RHPN1: variants seen among roughly 807,000 people sequenced by gnomAD.
The protein encoded by RHPN1 is rhophilin-1.
Under a neutral mutation model 74.7 loss-of-function variants are expected in RHPN1, and 77 were observed. The ratio of observed to expected loss-of-function variants is 1.03; its 90% confidence interval spans 0.86 to 1.25. The LOEUF is 1.25. Among genes scored for constraint, RHPN1 ranks in the 50% most tolerant of loss-of-function variants. The probability of loss-of-function intolerance (pLI) is 0.00; values close to 1 mark genes in which losing one functional copy is unlikely to be tolerated. For synonymous variants in RHPN1, 444 were observed against 414.5 expected (o/e 1.07, Z -0.87); for missense variants, 987 against 932.2 (o/e 1.06, Z -0.77).
intron 1 of RHPN1, among the ~76,000 whole-genome samples, chr8:143,369,976 G>A (rs1413845186): frequency 6.6e-6 from 1 of 152,184 alleles, no homozygotes; most frequent in Non-Finnish European, 1.5e-5. Context: ...CCTCAAGGAC[G>A]CCCTTCTTGC....
Position 143,379,309 on chromosome 8 carries a change from C to G in RHPN1, c.752-6C>G. On this transcript the variant is annotated splice_region_variant and splice_polypyrimidine_tract_variant and intron_variant, in intron 7 of 14. Transcript: ENST00000289013. Reference sequence around the variant, plus strand: ...CCTGCCTGTGTGAGCACCCCTCCCTCCGCAGGGGCCTTCAGCCTCCTGAGG... The same window carrying G: ...CCTGCCTGTGTGAGCACCCCTCCCTGCGCAGGGGCCTTCAGCCTCCTGAGG... The G allele has an allele frequency of 3.8e-6, 6 of 1,579,254 alleles. No individual in the cohort carries two copies. Among genetic ancestry groups the G allele is most frequent in the African/African-American group, 1.3e-5 (1 of 74,370 alleles).
chr8:143,369,021 G>T lies in RHPN1; in HGVS notation c.34G>T (p.Ala12Ser), dbSNP rs762891212. The change falls in exon 1 of 15, where the codon GCC becomes TCC. Residue 12 changes from alanine (A) to serine (S), a missense_variant. Physicochemically the swap from Ala to Ser is moderately conservative, Grantham distance 99. Coordinates refer to ENST00000289013, the MANE Select transcript of RHPN1 (RefSeq NM_052924.3). Reference sequence around the variant, plus strand: ...GGAGGAGAGGCCGGACGGCGCGGGCGCCGGCGAGGAGAGCCCGCGGCTGCA... The same window carrying T: ...GGAGGAGAGGCCGGACGGCGCGGGCTCCGGCGAGGAGAGCCCGCGGCTGCA... ...ILEERPDGAG[A>S]GEESPRLQGC... 1 of 1,495,376 alleles carries T rather than the reference G, an allele frequency of 6.7e-7. No homozygotes were observed. The highest frequency in any genetic ancestry group is 1.2e-5 in the South Asian group (1 of 80,188). 92.6% of individuals were successfully genotyped at this position (1,495,376 alleles called of 1,614,324 possible). A position where few individuals can be genotyped will look rare whatever the true frequency, so the allele number is the denominator to read the frequency against.
intron 3 of RHPN1, among the ~76,000 whole-genome samples, chr8:143,377,008 G>T (rs1818302764): frequency 6.7e-6 from 1 of 149,736 alleles, no homozygotes. Context: ...GTGGGTGTGT[G>T]TTTGCCTCTA....
At position 143,370,366 on chromosome 8, in the gene RHPN1, G is replaced by A. The variant is rs531729671; in HGVS notation, c.60+1319G>A. Among the ~76,000 whole-genome samples the A allele has an allele frequency of 2.4e-3, 367 of 152,324 alleles. 1 individual carries two copies. The highest frequency in any genetic ancestry group is 8.5e-3 in the African/African-American group (352 of 41,564). ...TGGCAGTGGGGCGGAGGCAGGCCCT[G>A]TGTCACACGCGCACCACTCAGGCTG... On this transcript the variant is annotated intron_variant, in intron 1 of 14. Coordinates refer to ENST00000289013, the MANE Select transcript of RHPN1 (RefSeq NM_052924.3).
In RHPN1 at chr8:143,375,507, C is replaced by T. The variant is rs767841103; in HGVS notation, c.61-46C>T. The T allele has an allele frequency of 1.2e-5, 17 of 1,373,372 alleles. No individual in the cohort carries two copies. The Admixed American group carries it at 2.9e-4, about 23-fold the overall frequency. 85.1% of individuals were successfully genotyped at this position (1,373,372 alleles called of 1,614,324 possible). A position where few individuals can be genotyped will look rare whatever the true frequency, so the allele number is the denominator to read the frequency against. ...GTGGCTGGCGAGGCGCAGCCTGGTG[C>T]GGGCGCCACGGGGTCGGGCTGTGAT... On this transcript the variant is annotated intron_variant, in intron 1 of 14. Coordinates refer to ENST00000289013, the MANE Select transcript of RHPN1 (RefSeq NM_052924.3).
intron 4 of RHPN1, 46 bp from the exon 5 acceptor site, chr8:143,378,223 G>GC (rs1397776720): frequency 3.4e-6 from 5 of 1,489,024 alleles, no homozygotes; most frequent in Non-Finnish European, 4.6e-6. Flanking sequence ...AGGGAAGGAG[G>GC]CCAGGCACAG....
rs1818805169 is a variant in RHPN1, at chr8:143,382,441, C to A, written c.1803C>A (p.Asp601Glu). The A allele has an allele frequency of 6.4e-7, 1 of 1,560,988 alleles. No individual in the cohort carries two copies. The highest frequency in any genetic ancestry group is 1.9e-5 in the Admixed American group (1 of 52,322). ...LPSSRLPSLG[D>E]RRPVLLGPRG... is the part of the protein sequence containing the mutation. ...TGTCTCTGTCCCTGCTGCAGGGGGA[C>A]CGCCGGCCCGTCCTGCTGGGCCCCA... Residue 601 changes from aspartate to glutamate, a missense_variant, in exon 15 of 15, where the codon GAC (aspartate) becomes GAA (glutamate). By Grantham distance (45) the Asp-to-Glu change is conservative (BLOSUM62 2). Transcript: ENST00000289013.
intron 1 of RHPN1, among the ~76,000 whole-genome samples, chr8:143,369,411 A>G (rs1454370024): frequency 6.6e-6 from 1 of 151,924 alleles, no homozygotes; most frequent in East Asian, 1.9e-4. Flanking sequence ...CTCCTTCCCT[A>G]GTTCGGTCCT....
chr8:143,382,331 C>G, intron 14 of RHPN1, 105 bp from the exon 15 acceptor site: 1 of 1,010,974 alleles, frequency 9.9e-7, no homozygotes, highest in East Asian at 2.6e-5. Context: ...AACAAGCCCC[C>G]GACGTGCCAG....
chr8:143,368,234 A>T (rs948561080), upstream of RHPN1: 4 of 153,896 alleles, frequency 2.6e-5, no homozygotes, highest in Non-Finnish European at 5.9e-5. Flanking sequence ...TTCTGGAAGG[A>T]GGCGGGTTCT....
chr8:143,378,848 TG>T, intron 6 of RHPN1, 28 bp downstream of exon 6: 1 of 1,567,682 alleles, frequency 6.4e-7, no homozygotes, highest in Non-Finnish European at 8.6e-7. Flanking sequence ...GGAGGCACCC[TG>T]GGGAGGGGAG....
At position 143,381,952 on chromosome 8, in the gene RHPN1, C is replaced by G; in HGVS notation, c.1781C>G (p.Ser594Cys). The G allele has an allele frequency of 1.3e-6, 2 of 1,598,690 alleles. No individual in the cohort carries two copies. Among genetic ancestry groups the G allele is most frequent in the Non-Finnish European group, 1.7e-6 (2 of 1,172,436 alleles). The change falls in exon 14 of 15, where the codon TCT (serine) becomes TGT (cysteine). Residue 594 changes from serine to cysteine, a missense_variant. Physicochemically the swap from Ser to Cys is moderately radical, Grantham distance 112 (BLOSUM62 -1). Coordinates refer to ENST00000289013, the MANE Select transcript of RHPN1 (RefSeq NM_052924.3). ...CAGGTGGTGTCGCTGCTGCCCAGCT[C>G]TAGACTGCCCAGCTTGGTGAGCCCC... ...SLQVVSLLPS[S>C]RLPSLGDRRP... is the part of the protein sequence containing the mutation.
chr8:143,378,460 G>T (rs927093156), intron 5 of RHPN1, 114 bp downstream of exon 5: 19 of 1,034,584 alleles, frequency 1.8e-5, no homozygotes, highest in Middle Eastern at 6.1e-4. Context: ...TCGAGGACGT[G>T]GGGAGACGGG....
At position 143,378,911 on chromosome 8, in the gene RHPN1, G is replaced by T. The variant is rs866290077; in HGVS notation, c.585-1G>T. On this transcript the variant is annotated splice_acceptor_variant, in intron 6 of 14. Coordinates refer to ENST00000289013, the MANE Select transcript of RHPN1 (RefSeq NM_052924.3). LOFTEE classifies it high-confidence loss of function. ...CCACCCAGCCTGACCCAACACTGCA[G>T]GTACGACTCGCTTACTGGGGTCCCG... is the stretch of plus-strand genomic sequence containing the variant. The T allele has an allele frequency of 6.3e-7, 1 of 1,584,580 alleles. No individual in the cohort carries two copies.
upstream of RHPN1, chr8:143,368,811 TG>T (rs1225342620): frequency 5.6e-6 from 2 of 358,936 alleles, no homozygotes; most frequent in African/African-American, 2.2e-5. Context: ...GCCAGACCCG[TG>T]CCCCGCCCAG....
Position 143,377,448 on chromosome 8 carries a change from CGCTGAA to C in RHPN1, c.376_381del (p.Leu126_Lys127del), listed in dbSNP as rs1563795562. 1.9e-6 allele frequency: 3 copies of C among 1,612,362 alleles called. No individual in the cohort carries two copies. The highest frequency in any genetic ancestry group is 2.5e-6 in the Non-Finnish European group (3 of 1,178,644). On this transcript the variant is annotated inframe_deletion and splice_region_variant, in exon 4 of 15. Coordinates refer to ENST00000289013, the MANE Select transcript of RHPN1 (RefSeq NM_052924.3). Reference sequence around the variant, plus strand: ...ACCAAGGAGCTGGACTGGTCTACACCGCTGAAGGTAGGTACTGGCCTCCAAGCTCTG... The same window carrying C: ...ACCAAGGAGCTGGACTGGTCTACACCGGTAGGTACTGGCCTCCAAGCTCTG...
rs1306756452 is a variant in RHPN1 at position 143,379,499 on chromosome 8, G to A, written c.936G>A (p.Glu312=). Residue 312 remains glutamate (E), a synonymous_variant, in exon 8 of 15, where the codon GAG becomes GAA. Transcript: ENST00000289013. ...DCLAQLRLAQ[E]AAQVAAEYRL... is the part of the protein sequence containing the mutation. ...TGGCCCAGCTGCGCCTGGCGCAGGA[G>A]GCCGCCCAGGTGAGCTCGGGCACCC... is the stretch of plus-strand genomic sequence containing the variant. 22 of 1,552,946 alleles carry A rather than the reference G, an allele frequency of 1.4e-5. No homozygotes were observed. The highest frequency in any genetic ancestry group is 1.8e-5 in the Non-Finnish European group (21 of 1,148,974).
intron 4 of RHPN1, 101 bp from the exon 5 acceptor site, chr8:143,378,168 C>G (rs1818411819): frequency 1.0e-6 from 1 of 995,220 alleles, no homozygotes; most frequent in South Asian, 1.4e-5. Context: ...GGCACAGACC[C>G]TCCCTCCACC....
chr8:143,376,776 G>T (rs79300493), intron 3 of RHPN1, 123 bp downstream of exon 3: 3 of 1,045,336 alleles, frequency 2.9e-6, no homozygotes, highest in African/African-American at 1.6e-5. Flanking sequence ...GTGTGTGTGC[G>T]TGTGTGCATG....
Sources: allele counts gnomAD v4.1 joint callset (sites outside exome capture counted in the v4.1 genomes callset), GRCh38; gene constraint gnomAD v4.1.1; transcripts MANE v1.5; gene names NCBI Gene and HGNC (gene_info 2026-07-23, HGNC 2026-07-21).